Variants in KCNJ3 observed in about 807,000 individuals in gnomAD.
The protein encoded by KCNJ3 is G protein-activated inward rectifier potassium channel 1.
In KCNJ3, 4 loss-of-function variants were observed where a neutral mutation model predicts 39.2. The observed-to-expected ratio is 0.10, with a 90% CI of 0.05 to 0.23. The LOEUF (loss-of-function observed/expected upper bound fraction) is 0.23, where lower values mean the gene tolerates loss of function less well. KCNJ3 is among the 10% of genes least tolerant of loss of function. The pLI is 1.00. For missense variants in KCNJ3, 276 were observed against 634.9 expected (o/e 0.43, Z 6.08); for synonymous variants, 230 against 237.4 (o/e 0.97, Z 0.29).
chr2:154,827,799 C>T (rs1687294974), intron 2 of KCNJ3, among the ~76,000 whole-genome samples: 1 of 152,122 alleles, frequency 6.6e-6, no homozygotes, highest in Admixed American at 6.6e-5. Context: ...TAATCAAGTG[C>T]ATCTTAATAG....
chr2:154,752,181 A>G (rs1187640712), intron 2 of KCNJ3, among the ~76,000 whole-genome samples: 1 of 152,090 alleles, frequency 6.6e-6, no homozygotes, highest in East Asian at 1.9e-4. Flanking sequence ...ATTCTTGAAT[A>G]TATAAACATT....
In KCNJ3 at chr2:154,819,516, T is replaced by G. The variant is rs371086818; in HGVS notation, c.920-35211T>G. ...ATTCTTCTCTAAACACAATAACATTTTATTTATTTTTATTTATTTATTTAT... is the reference window on the plus strand; with the variant it reads ...ATTCTTCTCTAAACACAATAACATTGTATTTATTTTTATTTATTTATTTAT... On this transcript the variant is annotated intron_variant, in intron 2 of 2. Coordinates refer to ENST00000295101, the MANE Select transcript of KCNJ3 (RefSeq NM_002239.4). Among the ~76,000 whole-genome samples, 17 of 151,978 alleles carry G rather than the reference T, an allele frequency of 1.1e-4. No individual in the cohort carries two copies. The East Asian group carries it at 3.1e-3, about 28-fold the overall frequency.
At chr2:154,769,837 T>G (rs1686206279) in intron 2 of KCNJ3, among the ~76,000 whole-genome samples, 1 of 152,146 alleles carries the variant, frequency 6.6e-6, no homozygotes, top group Admixed American at 6.6e-5. Context: ...TCTGTGGTTA[T>G]ATGACAATGT....
At chr2:154,702,582 C>T (rs1004726802) in intron 1 of KCNJ3, among the ~76,000 whole-genome samples, 1 of 151,890 alleles carries the variant, frequency 6.6e-6, no homozygotes, top group Non-Finnish European at 1.5e-5. Flanking sequence ...TTTGAAAGCA[C>T]ATTTTATCTC....
chr2:154,770,714 T>C lies in KCNJ3; in HGVS notation c.919+60895T>C, dbSNP rs138600868. On this transcript the variant is annotated intron_variant, in intron 2 of 2. Transcript: ENST00000295101. ...CTCTAATTTTCATTCACTAGAAAAG[T>C]AGTTTTGTTACTCCTTATTGTAGTC... Among the ~76,000 whole-genome samples the C allele has an allele frequency of 4.4e-3, 669 of 152,240 alleles. 5 individuals are homozygous for C. Among genetic ancestry groups the C allele is most frequent in the African/African-American group, 0.015 (636 of 41,570 alleles).
chr2:154,744,541 T>C (rs1040059695), intron 2 of KCNJ3, among the ~76,000 whole-genome samples: 1 of 151,846 alleles, frequency 6.6e-6, no homozygotes, highest in South Asian at 2.1e-4. Context: ...TATTTCATAT[T>C]GTATTTTGGT....
intron 2 of KCNJ3, among the ~76,000 whole-genome samples, chr2:154,853,277 T>C (rs1176761014): frequency 6.6e-6 from 1 of 152,130 alleles, no homozygotes; most frequent in African/African-American, 2.4e-5. Context: ...TAACAACTAA[T>C]TCTTTGGTAA....
intron 2 of KCNJ3, among the ~76,000 whole-genome samples, chr2:154,717,354 C>A (rs1397394765): frequency 2.6e-5 from 4 of 152,164 alleles, no homozygotes; most frequent in African/African-American, 9.7e-5. Flanking sequence ...AGTAAGAGAA[C>A]ACCATGATCA....
intron 2 of KCNJ3, among the ~76,000 whole-genome samples, chr2:154,758,150 T>C (rs556225222): frequency 5.3e-5 from 8 of 152,318 alleles, no homozygotes; most frequent in African/African-American, 1.9e-4. Context: ...ATGTTTAAGC[T>C]GAGTGCATTT....
intron 2 of KCNJ3, among the ~76,000 whole-genome samples, chr2:154,777,979 G>A (rs1686369237): frequency 6.6e-6 from 1 of 152,090 alleles, no homozygotes; most frequent in African/African-American, 2.4e-5. Context: ...TTCCTGCTAT[G>A]CCAGAGTAGT....
intron 2 of KCNJ3, among the ~76,000 whole-genome samples, chr2:154,755,225 C>A (rs1685916904): frequency 6.6e-6 from 1 of 151,842 alleles, no homozygotes; most frequent in African/African-American, 2.4e-5. Flanking sequence ...GGCATATTTG[C>A]CATTAATTTA....
At chr2:154,796,330 C>T (rs1686720525) in intron 2 of KCNJ3, among the ~76,000 whole-genome samples, 2 of 152,112 alleles carry the variant, frequency 1.3e-5, no homozygotes, top group African/African-American at 4.8e-5. Context: ...TAAAATACCC[C>T]TTCATACAAA....
intron 2 of KCNJ3, among the ~76,000 whole-genome samples, chr2:154,798,538 C>T (rs1325308274): frequency 2.0e-5 from 3 of 152,020 alleles, no homozygotes; most frequent in East Asian, 1.9e-4. Context: ...TACAAAAGGT[C>T]GCAGTGATTA....
chr2:154,843,735 C>T (rs540101190), intron 2 of KCNJ3, among the ~76,000 whole-genome samples: 1 of 152,184 alleles, frequency 6.6e-6, no homozygotes, highest in Non-Finnish European at 1.5e-5. Context: ...AAATCGGCTA[C>T]TGAAGCTTGT....
At chr2:154,808,800 C>G (rs1686959981) in intron 2 of KCNJ3, among the ~76,000 whole-genome samples, 1 of 152,032 alleles carries the variant, frequency 6.6e-6, no homozygotes, top group Non-Finnish European at 1.5e-5. Context: ...GACCAAATTG[C>G]CTTTACTAAA....
intron 2 of KCNJ3, among the ~76,000 whole-genome samples, chr2:154,829,712 G>A (rs1687329959): frequency 6.6e-6 from 1 of 152,108 alleles, no homozygotes; most frequent in Non-Finnish European, 1.5e-5. Context: ...CTGATTTTCA[G>A]TGTATAAGTG....
intron 2 of KCNJ3, among the ~76,000 whole-genome samples, chr2:154,732,870 A>G (rs1685468890): frequency 6.6e-6 from 1 of 152,168 alleles, no homozygotes; most frequent in Admixed American, 6.5e-5. Flanking sequence ...AAGGATGGAA[A>G]GTACAAAAGC....
intron 2 of KCNJ3, among the ~76,000 whole-genome samples, chr2:154,758,370 A>G (rs1341531880): frequency 6.6e-6 from 1 of 151,982 alleles, no homozygotes; most frequent in Non-Finnish European, 1.5e-5. Context: ...TGCTATGAGG[A>G]CCTCCCTCAG....
At chr2:154,771,324 T>C (rs1686238808) in intron 2 of KCNJ3, among the ~76,000 whole-genome samples, 1 of 152,200 alleles carries the variant, frequency 6.6e-6, no homozygotes, top group South Asian at 2.1e-4. Flanking sequence ...TGAACAATCA[T>C]CTGGAAGAGA....
Sources: gnomAD v4.1 joint callset for allele counts (sites outside exome capture counted in the v4.1 genomes callset) on GRCh38, gnomAD v4.1.1 for gene constraint, MANE v1.5 for transcripts, NCBI Gene and HGNC (gene_info 2026-07-23, HGNC 2026-07-21) for gene names.